Variants in FHIT observed in about 807,000 individuals in gnomAD.
The protein encoded by FHIT is bis(5'-adenosyl)-triphosphatase.
A neutral mutation model predicts 17.9 loss-of-function variants in FHIT; 19 were observed. That is an observed-to-expected ratio of 1.06 (90% CI 0.74 to 1.56). The LOEUF (loss-of-function observed/expected upper bound fraction) is 1.56. FHIT is among the 40% of genes most tolerant of loss of function. The probability of loss-of-function intolerance (pLI) is 0.00; values close to 1 mark genes in which losing one functional copy is unlikely to be tolerated. For missense variants in FHIT, 248 were observed against 189.2 expected, an observed-to-expected ratio of 1.31 and a Z score of -1.82; for synonymous variants, 81 against 69.7, an observed-to-expected ratio of 1.16 and a Z score of -0.81.
Position 60,435,813 on chromosome 3 carries a change from C to T in FHIT, c.103+101047G>A, listed in dbSNP as rs373755863. ...TGATCGTCTCCCTCCTCTCACACTC[C>T]GTGTTCTGACAACAGGCCCCAGTGT... On this transcript the variant is annotated intron_variant, in intron 5 of 9. Transcript: ENST00000492590. 1.2e-4 allele frequency among the ~76,000 whole-genome samples: 18 copies of T among 152,136 alleles called. No individual in the cohort carries two copies. The South Asian group carries it at 3.3e-3, about 28-fold the overall frequency.
chr3:59,785,129 T>C lies in FHIT; in HGVS notation c.349-32808A>G, dbSNP rs144703078. 3.8e-3 allele frequency among the ~76,000 whole-genome samples: 575 copies of C among 152,174 alleles called. 4 individuals carry two copies. The highest frequency in any genetic ancestry group is 6.8e-3 in the Middle Eastern group (2 of 294). ...TATCACGAGGATGGCATCAAGGGGATTCATGAGAAATCTGCCCCCATGACC... is the reference window on the plus strand; with the variant it reads ...TATCACGAGGATGGCATCAAGGGGACTCATGAGAAATCTGCCCCCATGACC... On this transcript the variant is annotated intron_variant, in intron 8 of 9. Coordinates refer to ENST00000492590, the MANE Select transcript of FHIT (RefSeq NM_002012.4).
At chr3:60,400,366 G>A (rs370255136) in intron 5 of FHIT, among the ~76,000 whole-genome samples, 44 of 152,266 alleles carry the variant, frequency 2.9e-4, no homozygotes, top group African/African-American at 9.9e-4. Context: ...AAAGCTCCAA[G>A]AGGAGCTCCA....
At chr3:59,934,821 TG>T (rs1706152064) in intron 7 of FHIT, among the ~76,000 whole-genome samples, 3 of 152,086 alleles carry the variant, frequency 2.0e-5, no homozygotes. Flanking sequence ...GAGAACACGA[TG>T]GGGGAAACTG....
At chr3:60,939,600 C>G (rs1708325853) in intron 3 of FHIT, among the ~76,000 whole-genome samples, 1 of 151,990 alleles carries the variant, frequency 6.6e-6, no homozygotes, top group Admixed American at 6.6e-5. Flanking sequence ...TCCAAATGCT[C>G]TATGTGATAT....
At chr3:60,747,300 C>A (rs1357142293) in intron 4 of FHIT, among the ~76,000 whole-genome samples, 4 of 152,102 alleles carry the variant, frequency 2.6e-5, no homozygotes, top group African/African-American at 4.8e-5. Context: ...ATCCTGAATT[C>A]TGAGCTGAGT....
At chr3:60,469,676 C>T (rs1423130753) in intron 5 of FHIT, among the ~76,000 whole-genome samples, 1 of 151,998 alleles carries the variant, frequency 6.6e-6, no homozygotes, top group East Asian at 2.0e-4. Flanking sequence ...TTGGTGAGGT[C>T]ATGTTTTTCT....
At chr3:60,011,253 C>G (rs1042203771) in intron 7 of FHIT, 118 bp downstream of exon 7, 2 of 926,506 alleles carry the variant, frequency 2.2e-6, no homozygotes, top group African/African-American at 3.3e-5. Flanking sequence ...CTGAGGGTCT[C>G]TCTGACCTCG....
chr3:60,303,534 C>G (rs900820993), intron 5 of FHIT, among the ~76,000 whole-genome samples: 8 of 152,158 alleles, frequency 5.3e-5, no homozygotes, highest in African/African-American at 1.9e-4. Context: ...ATTTCCAGAG[C>G]CTTCAGTGCA....
At chr3:60,944,322 G>C (rs562766564) in intron 3 of FHIT, among the ~76,000 whole-genome samples, 1 of 144,058 alleles carries the variant, frequency 6.9e-6, no homozygotes, top group Non-Finnish European at 1.5e-5. Flanking sequence ...CAAAAGCAGT[G>C]CCTGAGTTTG....
intron 5 of FHIT, among the ~76,000 whole-genome samples, chr3:60,350,466 A>G (rs1711030613): frequency 6.6e-6 from 1 of 152,172 alleles, no homozygotes; most frequent in African/African-American, 2.4e-5. Context: ...TATTATCTCC[A>G]AAATTGTACG....
chr3:60,041,060 T>TA (rs897464932), intron 5 of FHIT, among the ~76,000 whole-genome samples: 14 of 151,834 alleles, frequency 9.2e-5, no homozygotes, highest in Non-Finnish European at 1.8e-4. Flanking sequence ...CTTTTCTCAA[T>TA]AAAAAAAAGC....
chr3:60,168,144 C>T (rs1701259342), intron 5 of FHIT, among the ~76,000 whole-genome samples: 1 of 152,286 alleles, frequency 6.6e-6, no homozygotes, highest in East Asian at 1.9e-4. Context: ...ACTCCAAAAA[C>T]TCCTAGTCAG....
intron 3 of FHIT, among the ~76,000 whole-genome samples, chr3:60,953,859 C>T (rs1023629194): frequency 6.6e-6 from 1 of 152,192 alleles, no homozygotes; most frequent in Non-Finnish European, 1.5e-5. Context: ...CTTTCAATGT[C>T]ACGGAAAGAT....
At chr3:60,480,962 G>A (rs2033582038) in intron 5 of FHIT, among the ~76,000 whole-genome samples, 1 of 152,224 alleles carries the variant, frequency 6.6e-6, no homozygotes, top group Admixed American at 6.5e-5. Flanking sequence ...TGGGGACTCT[G>A]TTTGGGGGTG....
chr3:60,620,202 G>A (rs907119986), intron 4 of FHIT, among the ~76,000 whole-genome samples: 2 of 152,154 alleles, frequency 1.3e-5, no homozygotes, highest in Non-Finnish European at 2.9e-5. Flanking sequence ...CTGTGGATGG[G>A]AATGCAAAAT....
chr3:60,218,501 G>A (rs1000230154), intron 5 of FHIT, among the ~76,000 whole-genome samples: 2 of 152,056 alleles, frequency 1.3e-5, no homozygotes, highest in Non-Finnish European at 2.9e-5. Flanking sequence ...TTCTTTGAAA[G>A]CATTCTAACA....
intron 4 of FHIT, among the ~76,000 whole-genome samples, chr3:60,545,812 T>G (rs1275778983): frequency 6.6e-6 from 1 of 151,984 alleles, no homozygotes; most frequent in East Asian, 1.9e-4. Context: ...TATGCTCTGC[T>G]TTTGTTGAAT....
At chr3:60,064,151 T>C (rs373305711) in intron 5 of FHIT, among the ~76,000 whole-genome samples, 102 of 152,346 alleles carry the variant, frequency 6.7e-4, no homozygotes, top group African/African-American at 2.2e-3. Context: ...TTTCCTCTTA[T>C]ACCTTTCCTT....
intron 2 of FHIT, among the ~76,000 whole-genome samples, chr3:61,182,990 T>C (rs2038389412): frequency 6.6e-6 from 1 of 152,220 alleles, no homozygotes. Context: ...ATAGGTCTCT[T>C]CATTGTGGCT....
Sources: gnomAD v4.1 joint callset for allele counts (sites outside exome capture counted in the v4.1 genomes callset) on GRCh38, gnomAD v4.1.1 for gene constraint, MANE v1.5 for transcripts, NCBI Gene and HGNC (gene_info 2026-07-23, HGNC 2026-07-21) for gene names.